The following ERC2 variants were observed in gnomAD, a reference collection of about 807,000 sequenced individuals.
ERC2 encodes ERC protein 2.
In ERC2, 42 loss-of-function variants were observed where a neutral mutation model predicts 114.8. The observed-to-expected ratio is 0.37, with a 90% confidence interval of 0.29 to 0.47. The LOEUF is 0.47. Among genes scored for constraint, ERC2 ranks in the 20% least tolerant of loss-of-function variants. ERC2 has a pLI of 0.99. For synonymous variants in ERC2, 454 were observed against 425.5 expected, an observed-to-expected ratio of 1.07 and a Z score of -0.82; for missense variants, 939 against 1,150.7, an observed-to-expected ratio of 0.82 and a Z score of 2.66.
At chr3:55,596,391 G>A (rs917153629) in intron 17 of ERC2, among the ~76,000 whole-genome samples, 2 of 152,074 alleles carry the variant, frequency 1.3e-5, no homozygotes, top group Non-Finnish European at 2.9e-5. Context: ...AGACCAGCCT[G>A]GGCAACATAG....
At chr3:55,858,270 C>A (rs1280939346) in intron 14 of ERC2, among the ~76,000 whole-genome samples, 1 of 152,148 alleles carries the variant, frequency 6.6e-6, no homozygotes, top group Non-Finnish European at 1.5e-5. Context: ...CTCATAATGT[C>A]ATTCTTACTC....
intron 17 of ERC2, among the ~76,000 whole-genome samples, chr3:55,547,887 G>C (rs1469094539): frequency 6.6e-6 from 1 of 152,242 alleles, no homozygotes; most frequent in Non-Finnish European, 1.5e-5. Context: ...AGCTGGACTA[G>C]TTGGGGTAGA....
chr3:56,159,001 G>T (rs532104988), intron 4 of ERC2, among the ~76,000 whole-genome samples: 1 of 152,262 alleles, frequency 6.6e-6, no homozygotes, highest in Non-Finnish European at 1.5e-5. Context: ...AGTTTCTCAT[G>T]AATGGTTTAG....
chr3:55,914,345 T>C (rs1388813099), intron 13 of ERC2, among the ~76,000 whole-genome samples: 1 of 152,198 alleles, frequency 6.6e-6, no homozygotes, highest in Non-Finnish European at 1.5e-5. Flanking sequence ...ACTGGGTCTC[T>C]TATCTTTAAA....
chr3:55,859,348 T>C (rs969954994), intron 14 of ERC2, among the ~76,000 whole-genome samples: 1 of 152,072 alleles, frequency 6.6e-6, no homozygotes, highest in Non-Finnish European at 1.5e-5. Flanking sequence ...CTAAACTGTT[T>C]ACTGTTTTTG....
intron 17 of ERC2, among the ~76,000 whole-genome samples, chr3:55,549,407 C>T (rs952079133): frequency 6.6e-6 from 1 of 151,934 alleles, no homozygotes; most frequent in Non-Finnish European, 1.5e-5. Flanking sequence ...AGCTGTCTCC[C>T]AGGCAGCTCT....
chr3:56,390,922 G>A lies in ERC2; in HGVS notation c.657+43429C>T, dbSNP rs368308641. On this transcript the variant is annotated intron_variant, in intron 2 of 17. Transcript: ENST00000288221. The stretch of plus-strand genomic sequence containing the variant: ...CTGTGACAGCCTAATAGAGCTGTGA[G>A]CAAATGTGTTGTGAAGAAAATGCAC... 3.9e-5 allele frequency among the ~76,000 whole-genome samples: 6 copies of A among 152,296 alleles called. No individual in the cohort carries two copies. In the East Asian group the frequency reaches 9.7e-4, roughly 25 times the overall value.
intron 6 of ERC2, among the ~76,000 whole-genome samples, chr3:56,088,204 T>C (rs1297892261): frequency 6.6e-6 from 1 of 152,172 alleles, no homozygotes; most frequent in Middle Eastern, 3.2e-3. Context: ...GATCCTCAAG[T>C]GACTGTGAGA....
At chr3:56,274,810 G>C (rs565275369) in intron 3 of ERC2, among the ~76,000 whole-genome samples, 6 of 152,310 alleles carry the variant, frequency 3.9e-5, no homozygotes, top group African/African-American at 1.4e-4. Context: ...CTAAGGCGAT[G>C]ACATGGTGAG....
chr3:56,458,531 T>C (rs895924806), intron 1 of ERC2, among the ~76,000 whole-genome samples: 7 of 152,176 alleles, frequency 4.6e-5, no homozygotes, highest in African/African-American at 1.4e-4. Context: ...TCCCCTTGCG[T>C]GCCCACACTA....
intron 14 of ERC2, among the ~76,000 whole-genome samples, chr3:55,861,881 G>T (rs1008834765): frequency 6.6e-6 from 1 of 152,182 alleles, no homozygotes; most frequent in Non-Finnish European, 1.5e-5. Flanking sequence ...TCATCAGGTT[G>T]TTCCAAAGAA....
intron 14 of ERC2, among the ~76,000 whole-genome samples, chr3:55,755,585 CT>C (rs367737701): frequency 3.9e-5 from 6 of 152,272 alleles, no homozygotes; most frequent in African/African-American, 1.2e-4. Flanking sequence ...ACATTTTCCC[CT>C]GTCACTACTT....
chr3:55,642,565 C>A (rs1217608946), intron 17 of ERC2, among the ~76,000 whole-genome samples: 1 of 152,072 alleles, frequency 6.6e-6, no homozygotes, highest in Non-Finnish European at 1.5e-5. Flanking sequence ...GAACTCCTGG[C>A]CTCAAGTGAT....
At chr3:56,257,591 C>T (rs905498456) in intron 3 of ERC2, among the ~76,000 whole-genome samples, 5 of 152,198 alleles carry the variant, frequency 3.3e-5, no homozygotes, top group Non-Finnish European at 7.3e-5. Context: ...ACGTTCAAGG[C>T]CAAATTAATG....
intron 7 of ERC2, among the ~76,000 whole-genome samples, chr3:56,066,977 C>T (rs761673146): frequency 1.6e-4 from 25 of 152,182 alleles, no homozygotes; most frequent in East Asian, 1.9e-4. Context: ...TGAAGTCAAG[C>T]GGCATAATGC....
chr3:55,888,511 C>T lies in ERC2; in HGVS notation c.2442G>A (p.Gln814=), dbSNP rs2149319533. 1 of 1,613,906 alleles carries T rather than the reference C, an allele frequency of 6.2e-7. No individual in the cohort carries two copies. The highest frequency in any genetic ancestry group is 1.7e-5 in the Admixed American group (1 of 60,004). ...ELMNALEKTR[Q]ELDATKARLA... is the part of the protein sequence containing the mutation. ...GGCGTGCTTTGGTGGCATCCAGTTC[C>T]TGTCTGGTCTTCTCCAGTGCATTCA... Residue 814 remains glutamine, a synonymous_variant, in exon 14 of 18, where the codon CAG becomes CAA. Coordinates refer to ENST00000288221, the MANE Select transcript of ERC2 (RefSeq NM_015576.3).
chr3:56,211,067 T>C (rs9824691), intron 3 of ERC2, among the ~76,000 whole-genome samples: 6,660 of 152,120 alleles, frequency 0.044, 202 homozygotes, highest in African/African-American at 0.082. Flanking sequence ...TCTCATTAGG[T>C]AGAACTTAAA....
chr3:56,361,058 TAACTG>T (rs1455476451), intron 2 of ERC2, among the ~76,000 whole-genome samples: 1 of 152,098 alleles, frequency 6.6e-6, no homozygotes, highest in East Asian at 1.9e-4. Flanking sequence ...GGGAGATACG[TAACTG>T]AACTGTGAGA....
At chr3:55,592,481 G>A (rs781162947) in intron 17 of ERC2, among the ~76,000 whole-genome samples, 1 of 152,150 alleles carries the variant, frequency 6.6e-6, no homozygotes, top group Non-Finnish European at 1.5e-5. Flanking sequence ...GTAGAGTCAT[G>A]GGGAAAGGCA....
Sources: gnomAD v4.1 joint callset for allele counts (sites outside exome capture counted in the v4.1 genomes callset) on GRCh38, gnomAD v4.1.1 for gene constraint, MANE v1.5 for transcripts, NCBI Gene and HGNC (gene_info 2026-07-23, HGNC 2026-07-21) for gene names.